The following IFT140 variants were observed in gnomAD, a reference collection of about 807,000 sequenced individuals.
The protein encoded by IFT140 is intraflagellar transport 140, also known as intraflagellar transport protein 140 homolog.
In IFT140, 133 loss-of-function variants were observed where a neutral mutation model predicts 164.6. That is an observed-to-expected ratio of 0.81 (90% confidence interval 0.70 to 0.93). IFT140 has a LOEUF of 0.93. Ranked by LOEUF, IFT140 falls within the 40% of genes least tolerant of loss-of-function variation. The pLI is 0.00. For missense variants in IFT140, 2,045 were observed against 1,972.3 expected (o/e 1.04, Z -0.70); for synonymous variants, 860 against 817.3 (o/e 1.05, Z -0.89).
intron 30 of IFT140, among the ~76,000 whole-genome samples, chr16:1,511,618 G>A (rs1355777455): frequency 6.6e-6 from 1 of 151,930 alleles, no homozygotes; most frequent in Non-Finnish European, 1.5e-5. Flanking sequence ...CAGCTATGAA[G>A]ATATAATAAG....
rs2032592831 is a variant in IFT140, at chr16:1,551,037, G to A, written c.2399+6898C>T. ...GGCCAAAGGGCTCTGTCCCTTTGAG[G>A]GGTCCTGGTCACTCAACTGCCAAGG... is the stretch of plus-strand genomic sequence containing the variant. On this transcript the variant is annotated intron_variant, in intron 19 of 30. Transcript: ENST00000426508. This position sits in a 1 kb window ranked among gnomAD's most constrained non-coding sequence, Gnocchi z 4.0. Among the ~76,000 whole-genome samples, 1 of 152,206 alleles carries A rather than the reference G, an allele frequency of 6.6e-6. No homozygotes were observed. The highest frequency in any genetic ancestry group is 1.5e-5 in the Non-Finnish European group (1 of 68,032).
chr16:1,550,229 C>T (rs544116216), intron 19 of IFT140, among the ~76,000 whole-genome samples: 1 of 152,278 alleles, frequency 6.6e-6, no homozygotes, highest in African/African-American at 2.4e-5. Context: ...CTTGAGCCAC[C>T]GCCCCAGCCC....
intron 10 of IFT140, among the ~76,000 whole-genome samples, chr16:1,585,855 C>G (rs890425750): frequency 2.2e-4 from 33 of 150,516 alleles, no homozygotes; most frequent in African/African-American, 7.8e-4. Flanking sequence ...ACTGCAAGCT[C>G]CAGCTCCTGG....
intron 19 of IFT140, chr16:1,554,730 G>A: frequency 1.3e-6 from 2 of 1,599,376 alleles, no homozygotes; most frequent in South Asian, 1.1e-5. Flanking sequence ...GGGAAGGAGT[G>A]GAACCCGCCT....
At chr16:1,511,276 G>A (rs1379474145) in intron 30 of IFT140, 126 bp from the exon 31 acceptor site, 2 of 835,184 alleles carry the variant, frequency 2.4e-6, no homozygotes, top group African/African-American at 1.7e-5. Context: ...GGAGGACACG[G>A]GGTGCACTGA....
Position 1,510,965 on chromosome 16 carries a change from TTCCACCACCTCCTCGTCCAGC to T in IFT140, c.4347_4367del (p.Leu1450_Glu1456del), listed in dbSNP as rs760889117. ...CCCCTCAGGGGTCGTCATCTGCCTC[TTCCACCACCTCCTCGTCCAGC>T]TCCCTGGCGTCCTCCATGCTGTTGT... On this transcript the variant is annotated inframe_deletion, in exon 31 of 31. Coordinates refer to ENST00000426508, the MANE Select transcript of IFT140 (RefSeq NM_014714.4). The T allele has an allele frequency of 3.7e-6, 6 of 1,612,216 alleles. No homozygotes were observed. Among genetic ancestry groups the T allele is most frequent in the Admixed American group, 1.7e-5 (1 of 59,878 alleles).
intron 15 of IFT140, among the ~76,000 whole-genome samples, chr16:1,567,637 C>T (rs929832347): frequency 7.2e-5 from 11 of 152,214 alleles, no homozygotes; most frequent in South Asian, 2.1e-4. Context: ...GTCTGGCCCA[C>T]GGCAGGAGAT....
chr16:1,513,938 G>A (rs1026052150), intron 30 of IFT140, among the ~76,000 whole-genome samples: 1 of 150,888 alleles, frequency 6.6e-6, no homozygotes, highest in Non-Finnish European at 1.5e-5. Context: ...CTCCCAAAGT[G>A]CTGGGATTAC....
In IFT140 at chr16:1,586,306, G is replaced by A. The variant is rs1174685045; in HGVS notation, c.1010-31C>T. Reference sequence around the variant, plus strand: ...GGTAGAAACAAACTGCATGTGAACAGAGTTAAAAAAAGGGAACAAAACAGC... The same window carrying A: ...GGTAGAAACAAACTGCATGTGAACAAAGTTAAAAAAAGGGAACAAAACAGC... On this transcript the variant is annotated intron_variant, in intron 9 of 30. Transcript: ENST00000426508. 5.7e-6 allele frequency: 9 copies of A among 1,586,952 alleles called. No individual in the cohort carries two copies. In the Middle Eastern group the frequency reaches 1.2e-3, roughly 209 times the overall value.
Position 1,510,573 on chromosome 16 carries a change from A to C in IFT140, c.*371T>G. 2.9e-6 allele frequency: 1 copy of C among 345,586 alleles called. No homozygotes were observed. Among genetic ancestry groups the C allele is most frequent in the Non-Finnish European group, 5.3e-6 (1 of 187,078 alleles). The allele number at this position is 345,586 out of a possible 1,614,324, so 21.4% of individuals were successfully genotyped here. A position where few individuals can be genotyped will look rare whatever the true frequency, so the allele number is the denominator to read the frequency against. ...CCTGCAGGAGTATGGGGAGGATATGATGTGTGGGGAGCAGGGGGGCAGGTG... is the reference window on the plus strand; with the variant it reads ...CCTGCAGGAGTATGGGGAGGATATGCTGTGTGGGGAGCAGGGGGGCAGGTG... On this transcript the variant is annotated 3_prime_UTR_variant, in exon 31 of 31. Coordinates refer to ENST00000426508, the MANE Select transcript of IFT140 (RefSeq NM_014714.4).
At chr16:1,525,466 A>T in intron 21 of IFT140, 140 bp from the exon 22 acceptor site, 1 of 690,950 alleles carries the variant, frequency 1.4e-6, no homozygotes, top group South Asian at 1.6e-5. Context: ...AGCTCTGCAG[A>T]CCCTGAGCAC....
At chr16:1,594,176 T>G (rs2035333766) in intron 4 of IFT140, among the ~76,000 whole-genome samples, 1 of 152,298 alleles carries the variant, frequency 6.6e-6, no homozygotes, top group East Asian at 1.9e-4. Flanking sequence ...GAGCACTTCC[T>G]TTCTGGTGCC....
rs930660746 is a variant in IFT140 at position 1,533,832 on chromosome 16, C to T, written c.2400-7036G>A. The stretch of plus-strand genomic sequence containing the variant: ...CCCGCTCCACACCGGCCACCCTGCC[C>T]GGAGCCTGGCACTCACAGCAGGCCG... On this transcript the variant is annotated intron_variant, in intron 19 of 30. Transcript: ENST00000426508. The surrounding 1 kb of genome is among the most constrained non-coding windows in gnomAD (Gnocchi z 4.7). The T allele has an allele frequency of 3.2e-5, 7 of 220,842 alleles. No individual in the cohort carries two copies. Among genetic ancestry groups the T allele is most frequent in the East Asian group, 1.8e-4 (1 of 5,596 alleles). The allele number at this position is 220,842 out of a possible 1,614,324, so 13.7% of individuals were successfully genotyped here.
chr16:1,602,426 C>T lies in IFT140; in HGVS notation c.313G>A (p.Asp105Asn), dbSNP rs376057883. Reference protein sequence around the residue: ...QHTMPLTHTADITVLRWSPSG... With the variant: ...QHTMPLTHTANITVLRWSPSG... The stretch of plus-strand genomic sequence containing the variant: ...GGGCTCCAACGGAGCACGGTGATGT[C>T]GGCTGTGTGTGTCAGGGGCATCGTG... The change falls in exon 4 of 31, where the codon GAC becomes AAC. Residue 105 changes from aspartate (D) to asparagine (N), a missense_variant. Coordinates refer to ENST00000426508, the MANE Select transcript of IFT140 (RefSeq NM_014714.4). 2.6e-5 allele frequency: 42 copies of T among 1,614,098 alleles called. No individual in the cohort carries two copies. The highest frequency in any genetic ancestry group is 3.3e-5 in the Non-Finnish European group (39 of 1,180,046).
At chr16:1,539,719 G>A (rs1435126914) in intron 19 of IFT140, among the ~76,000 whole-genome samples, 3 of 152,238 alleles carry the variant, frequency 2.0e-5, no homozygotes, top group African/African-American at 4.8e-5. Flanking sequence ...AAAAATGAGC[G>A]AGGGGCAGCT....
At chr16:1,600,875 G>A (rs1384621615) in intron 4 of IFT140, among the ~76,000 whole-genome samples, 2 of 150,526 alleles carry the variant, frequency 1.3e-5, no homozygotes, top group African/African-American at 4.9e-5. Flanking sequence ...TCCTCAAAAT[G>A]TAAATTTCAT....
rs755962676 is a variant in IFT140, at chr16:1,510,994, C to A, written c.4339G>T (p.Ala1447Ser). The change falls in exon 31 of 31, where the codon GCC becomes TCC. Residue 1447 changes from alanine to serine, a missense_variant. Transcript: ENST00000426508. ...EQVRHNSMED[A>S]RELDEEVVEE... ...ACCACCTCCTCGTCCAGCTCCCTGG[C>A]GTCCTCCATGCTGTTGTGGCGGACC... 14 of 1,611,402 alleles carry A rather than the reference C, an allele frequency of 8.7e-6. No individual in the cohort carries two copies. In the East Asian group the frequency reaches 2.2e-4, roughly 26 times the overall value.
At chr16:1,587,622 A>C (rs1218440381) in intron 8 of IFT140, among the ~76,000 whole-genome samples, 5 of 152,240 alleles carry the variant, frequency 3.3e-5, no homozygotes, top group African/African-American at 9.6e-5. Flanking sequence ...AGCAGAGACC[A>C]CAACGACTGA....
rs1035377886 is a variant in IFT140 at position 1,520,478 on chromosome 16, T to C, written c.3660+124A>G. 3.7e-6 allele frequency: 5 copies of C among 1,350,052 alleles called. No homozygotes were observed. The African/African-American group carries it at 7.2e-5, about 19-fold the overall frequency. 83.6% of individuals were successfully genotyped at this position (1,350,052 alleles called of 1,614,324 possible). ...GAGAGAGATCTTAGTGGTTGTGCTC[T>C]TCCTGGCCAGAAAGGCTCAGCCCTA... On this transcript the variant is annotated intron_variant, in intron 27 of 30. Transcript: ENST00000426508.
Sources: gnomAD v4.1 joint callset for allele counts (sites outside exome capture counted in the v4.1 genomes callset) on GRCh38, gnomAD v4.1.1 for gene constraint, Gnocchi (gnomAD v3.1) non-coding constraint, MANE v1.5 for transcripts, NCBI Gene and HGNC (gene_info 2026-07-23, HGNC 2026-07-21) for gene names.